The following EXOC4 variants were observed in gnomAD, a reference collection of about 807,000 sequenced individuals.
EXOC4 encodes SEC8-like 1.
In EXOC4, 71 loss-of-function variants were observed where a neutral mutation model predicts 107.2. The observed-to-expected ratio is 0.66, with a 90% CI of 0.55 to 0.81. The LOEUF (loss-of-function observed/expected upper bound fraction) is 0.81, where lower values mean the gene tolerates loss of function less well. Ranked by LOEUF, EXOC4 falls within the 30% of genes least tolerant of loss-of-function variation. The probability of loss-of-function intolerance (pLI) is 0.00; values close to 1 mark genes in which losing one functional copy is unlikely to be tolerated. For missense variants in EXOC4, 1,108 were observed against 1,189.6 expected (o/e 0.93, Z 1.01); for synonymous variants, 456 against 441.2 (o/e 1.03, Z -0.42).
At chr7:133,861,984 G>A (rs977433532) in intron 11 of EXOC4, among the ~76,000 whole-genome samples, 1 of 152,146 alleles carries the variant, frequency 6.6e-6, no homozygotes, top group East Asian at 1.9e-4. Flanking sequence ...TCAAAGGGAT[G>A]CTTTCAGTTT....
In EXOC4 at chr7:133,661,207, C is replaced by T. The variant is rs114227309; in HGVS notation, c.1514+31066C>T. Among the ~76,000 whole-genome samples, 324 of 152,164 alleles carry T rather than the reference C, an allele frequency of 2.1e-3. 2 individuals are homozygous for T. Among genetic ancestry groups the T allele is most frequent in the African/African-American group, 7.7e-3 (319 of 41,520 alleles). ...ATGGCCGCTGCTTGGCAGTCTCTTG[C>T]TGCATGCTAGCAGAGCCACTGTATA... is the stretch of plus-strand genomic sequence containing the variant. On this transcript the variant is annotated intron_variant, in intron 10 of 17. Transcript: ENST00000253861.
At chr7:134,075,835 A>G in the EXOC4 span, among the ~76,000 whole-genome samples, 1 of 152,218 alleles carries the variant, frequency 6.6e-6, no homozygotes, top group Non-Finnish European at 1.5e-5. Context: ...CCTCTGTCAC[A>G]ATGGCCAGCA....
chr7:133,591,843 T>G (rs929668912), intron 9 of EXOC4, among the ~76,000 whole-genome samples: 6 of 152,182 alleles, frequency 3.9e-5, no homozygotes, highest in Non-Finnish European at 7.3e-5. Context: ...ATTTTCTCTG[T>G]GCTGTGGCAA....
intron 11 of EXOC4, among the ~76,000 whole-genome samples, chr7:133,856,276 G>A (rs1798370950): frequency 6.6e-6 from 1 of 152,212 alleles, no homozygotes; most frequent in Admixed American, 6.5e-5. Flanking sequence ...AAGAAGGTCA[G>A]TGCTACATAG....
intron 12 of EXOC4, among the ~76,000 whole-genome samples, chr7:133,912,889 T>C (rs563732636): frequency 2.6e-5 from 4 of 152,134 alleles, no homozygotes; most frequent in Non-Finnish European, 5.9e-5. Context: ...GAGATTGTGA[T>C]TTACTTGGTC....
At chr7:133,379,581 C>T (rs941711344) in intron 7 of EXOC4, among the ~76,000 whole-genome samples, 2 of 151,790 alleles carry the variant, frequency 1.3e-5, no homozygotes, top group African/African-American at 4.8e-5. Context: ...ACATCAAGGC[C>T]TAGATAGTAT....
At chr7:133,344,469 T>A (rs1795738664) in intron 5 of EXOC4, among the ~76,000 whole-genome samples, 1 of 152,178 alleles carries the variant, frequency 6.6e-6, no homozygotes, top group South Asian at 2.1e-4. Flanking sequence ...CTTCTGTCAC[T>A]ATAGCAAAGT....
chr7:133,309,884 G>A (rs1488889091), intron 4 of EXOC4, among the ~76,000 whole-genome samples: 3 of 150,394 alleles, frequency 2.0e-5, no homozygotes, highest in African/African-American at 4.9e-5. Flanking sequence ...AAGTTGCAGT[G>A]AGCCGAGATC....
chr7:133,604,480 G>T (rs1659324429), intron 9 of EXOC4, among the ~76,000 whole-genome samples: 1 of 152,024 alleles, frequency 6.6e-6, no homozygotes, highest in South Asian at 2.1e-4. Flanking sequence ...CCATCACTAG[G>T]TGACAGGAAT....
intron 11 of EXOC4, among the ~76,000 whole-genome samples, chr7:133,859,607 A>G (rs1256584786): frequency 6.6e-6 from 1 of 152,196 alleles, no homozygotes; most frequent in Admixed American, 6.6e-5. Context: ...TATTGAAGAC[A>G]AGGACTAGAG....
intron 14 of EXOC4, among the ~76,000 whole-genome samples, chr7:133,965,826 A>G (rs753504068): frequency 7.2e-5 from 11 of 152,168 alleles, no homozygotes; most frequent in Non-Finnish European, 1.3e-4. Flanking sequence ...TTGGTTGCAT[A>G]TGAAATTTAA....
intron 12 of EXOC4, among the ~76,000 whole-genome samples, chr7:133,897,616 C>G (rs1799349996): frequency 6.6e-6 from 1 of 151,960 alleles, no homozygotes; most frequent in African/African-American, 2.4e-5. Flanking sequence ...CAAAACATAT[C>G]CAGCTGTTAA....
intron 11 of EXOC4, among the ~76,000 whole-genome samples, chr7:133,849,432 T>TA (rs1031766111): frequency 1.3e-5 from 2 of 151,798 alleles, no homozygotes; most frequent in Non-Finnish European, 1.5e-5. Flanking sequence ...AATTAAAAAA[T>TA]AAAAAAAGAG....
At chr7:133,732,530 G>C (rs1795349622) in intron 10 of EXOC4, 2 of 152,758 alleles carry the variant, frequency 1.3e-5, no homozygotes, top group South Asian at 2.0e-4. Flanking sequence ...ACACCCATCA[G>C]CTCATTCAAC....
At chr7:133,939,041 C>T (rs958565034) in intron 14 of EXOC4, among the ~76,000 whole-genome samples, 8 of 152,090 alleles carry the variant, frequency 5.3e-5, no homozygotes, top group Non-Finnish European at 1.0e-4. Flanking sequence ...TGAGCAAGCA[C>T]GTCCAGACCA....
rs944366768 is a variant in EXOC4, at chr7:133,917,187, C to A, written c.1872-396C>A. The stretch of plus-strand genomic sequence containing the variant: ...CAGAGTACAACCTTTTGTAACACTT[C>A]CGTCACCTTTCAGGTACTAGTTATG... On this transcript the variant is annotated intron_variant, in intron 12 of 17. Transcript: ENST00000253861. Among the ~76,000 whole-genome samples the A allele has an allele frequency of 4.6e-5, 7 of 152,200 alleles. No homozygotes were observed. In the East Asian group the frequency reaches 1.3e-3, roughly 29 times the overall value.
chr7:133,900,532 G>A (rs891017106), intron 12 of EXOC4, among the ~76,000 whole-genome samples: 2 of 152,186 alleles, frequency 1.3e-5, no homozygotes, highest in Admixed American at 6.5e-5. Context: ...ATTAGGTAGC[G>A]AGGAGCCACT....
chr7:134,049,800 T>C (rs1795739684), intron 17 of EXOC4, among the ~76,000 whole-genome samples: 1 of 152,208 alleles, frequency 6.6e-6, no homozygotes, highest in Admixed American at 6.5e-5. Flanking sequence ...GATGCTGAAA[T>C]ATTTGTTGAG....
intron 7 of EXOC4, among the ~76,000 whole-genome samples, chr7:133,423,415 A>G (rs1447981597): frequency 2.0e-5 from 3 of 152,190 alleles, no homozygotes; most frequent in African/African-American, 7.2e-5. Flanking sequence ...TTAGGTAAGC[A>G]ATATGTACGC....
Sources: gnomAD v4.1 joint callset for allele counts (sites outside exome capture counted in the v4.1 genomes callset) on GRCh38, gnomAD v4.1.1 for gene constraint, MANE v1.5 for transcripts, NCBI Gene and HGNC (gene_info 2026-07-23, HGNC 2026-07-21) for gene names.